MRPL13: variants seen among roughly 807,000 people sequenced by gnomAD.
MRPL13 encodes the protein mitochondrial ribosomal protein L13.
MRPL13 carries 33 observed loss-of-function variants against 29.0 expected under a neutral mutation model. The ratio of observed to expected loss-of-function variants is 1.14; its 90% CI spans 0.86 to 1.52. The LOEUF (loss-of-function observed/expected upper bound fraction) is 1.52. Among genes scored for constraint, MRPL13 ranks in the 40% most tolerant of loss-of-function variants. MRPL13 has a pLI of 0.00. For synonymous variants in MRPL13, 77 were observed against 68.4 expected (o/e 1.13, Z -0.62); for missense variants, 227 against 216.7 (o/e 1.05, Z -0.30).
chr8:120,408,712 C>T (rs1812707411), intron 6 of MRPL13, among the ~76,000 whole-genome samples: 1 of 152,162 alleles, frequency 6.6e-6, no homozygotes, highest in Non-Finnish European at 1.5e-5. Context: ...AATCCTTCTA[C>T]ATTGTCTTTA....
At chr8:120,410,369 A>G (rs1474853432) in intron 6 of MRPL13, among the ~76,000 whole-genome samples, 1 of 152,220 alleles carries the variant, frequency 6.6e-6, no homozygotes. Flanking sequence ...GAACAAAAGC[A>G]TATCTTAAGC....
Position 120,395,699 on chromosome 8 carries a change from G to C in MRPL13, c.*405C>G. On this transcript the variant is annotated 3_prime_UTR_variant, in exon 7 of 7. Coordinates refer to ENST00000306185, the MANE Select transcript of MRPL13 (RefSeq NM_014078.6). ...GTTAGATAAAAAAAGCCACTGAAAT[G>C]AAAAGTGAAGGTAGAGCTTGTTCAC... 6.4e-6 allele frequency: 1 copy of C among 157,188 alleles called. No homozygotes were observed. The highest frequency in any genetic ancestry group is 2.4e-5 in the African/African-American group (1 of 41,794). 9.7% of individuals were successfully genotyped at this position (157,188 alleles called of 1,614,324 possible). A position where few individuals can be genotyped will look rare whatever the true frequency, so the allele number is the denominator to read the frequency against.
intron 5 of MRPL13, among the ~76,000 whole-genome samples, chr8:120,417,471 TTA>T (rs1404318101): frequency 2.0e-5 from 3 of 152,322 alleles, no homozygotes; most frequent in African/African-American, 4.8e-5. Context: ...TCCATATTTT[TTA>T]TATGATATTC....
At chr8:120,429,345 T>C (rs914360635) in intron 3 of MRPL13, among the ~76,000 whole-genome samples, 1 of 151,882 alleles carries the variant, frequency 6.6e-6, no homozygotes, top group African/African-American at 2.4e-5. Flanking sequence ...TGAGGCCTAT[T>C]GGAGGGTGGA....
chr8:120,413,413 T>C (rs1429056802), intron 6 of MRPL13, among the ~76,000 whole-genome samples: 1 of 152,038 alleles, frequency 6.6e-6, no homozygotes, highest in Non-Finnish European at 1.5e-5. Flanking sequence ...GGTTCAAAGA[T>C]TACAGGAAGG....
chr8:120,410,573 T>C (rs1248754932), intron 6 of MRPL13, among the ~76,000 whole-genome samples: 1 of 152,218 alleles, frequency 6.6e-6, no homozygotes, highest in Non-Finnish European at 1.5e-5. Flanking sequence ...TCCAATAATG[T>C]AGACACTAGC....
At chr8:120,439,841 CTCAAA>C (rs1813096302) in intron 2 of MRPL13, among the ~76,000 whole-genome samples, 1 of 152,174 alleles carries the variant, frequency 6.6e-6, no homozygotes, top group Non-Finnish European at 1.5e-5. Context: ...CTTGCTCTTG[CTCAAA>C]TCAAATCATT....
At chr8:120,412,278 T>C (rs1279482144) in intron 6 of MRPL13, among the ~76,000 whole-genome samples, 1 of 152,188 alleles carries the variant, frequency 6.6e-6, no homozygotes, top group Non-Finnish European at 1.5e-5. Context: ...ATATAACTTA[T>C]CAAAGCTGAA....
intron 6 of MRPL13, among the ~76,000 whole-genome samples, chr8:120,411,343 T>C (rs1812737902): frequency 6.6e-6 from 1 of 152,158 alleles, no homozygotes; most frequent in Non-Finnish European, 1.5e-5. Flanking sequence ...GCTAGGATTA[T>C]AGGCATGAGC....
At chr8:120,441,581 T>C (rs1458065914) in intron 2 of MRPL13, among the ~76,000 whole-genome samples, 1 of 152,056 alleles carries the variant, frequency 6.6e-6, no homozygotes, top group Non-Finnish European at 1.5e-5. Context: ...CCTCAAAAGG[T>C]TAATGAGAAG....
At chr8:120,401,915 T>C (rs376085228) in intron 6 of MRPL13, among the ~76,000 whole-genome samples, 6 of 151,996 alleles carry the variant, frequency 3.9e-5, no homozygotes, top group African/African-American at 1.4e-4. Flanking sequence ...TACAAAAGAA[T>C]AAAATACCTA....
chr8:120,401,386 GA>G (rs1812595535), intron 6 of MRPL13, among the ~76,000 whole-genome samples: 1 of 152,104 alleles, frequency 6.6e-6, no homozygotes, highest in African/African-American at 2.4e-5. Flanking sequence ...AACATAAAAA[GA>G]ACGAAAGACA....
chr8:120,419,704 A>C (rs1812845490), intron 5 of MRPL13, 148 bp downstream of exon 5: 1 of 449,272 alleles, frequency 2.2e-6, no homozygotes, highest in African/African-American at 2.1e-5. Flanking sequence ...CATTTTTTAT[A>C]CATACATATT....
intron 6 of MRPL13, among the ~76,000 whole-genome samples, chr8:120,411,048 C>T (rs1157481440): frequency 1.3e-5 from 2 of 151,580 alleles, no homozygotes; most frequent in African/African-American, 4.8e-5. Flanking sequence ...TCTCCCTCTC[C>T]TCCCTCTCCC....
At chr8:120,428,868 CTTTTACACTGTTGGTGGGAA>C (rs1812963997) in intron 3 of MRPL13, among the ~76,000 whole-genome samples, 2 of 151,178 alleles carry the variant, frequency 1.3e-5, no homozygotes, top group African/African-American at 4.9e-5. Context: ...AAAAGGAATG[CTTTTACACTGTTGGTGGGAA>C]TTTTACACTG....
chr8:120,416,205 T>A (rs1216987686), intron 5 of MRPL13: 1 of 152,158 alleles, frequency 6.6e-6, no homozygotes, highest in East Asian at 1.9e-4. Context: ...GATTTAAGAG[T>A]TCTCTTTGGC....
chr8:120,405,212 G>A (rs962082923), intron 6 of MRPL13, among the ~76,000 whole-genome samples: 22 of 152,284 alleles, frequency 1.4e-4, no homozygotes, highest in Middle Eastern at 6.8e-3. Context: ...GGAAAAGAGA[G>A]GTTTTTACAC....
intron 6 of MRPL13, among the ~76,000 whole-genome samples, chr8:120,399,566 G>A (rs1812563298): frequency 6.6e-6 from 1 of 152,172 alleles, no homozygotes; most frequent in Non-Finnish European, 1.5e-5. Flanking sequence ...GACCAGTGAT[G>A]CTATGAAGCA....
chr8:120,409,437 G>A lies in MRPL13; in HGVS notation c.515+4554C>T, dbSNP rs1812716873. On this transcript the variant is annotated intron_variant, in intron 6 of 6. Coordinates refer to ENST00000306185, the MANE Select transcript of MRPL13 (RefSeq NM_014078.6). The stretch of plus-strand genomic sequence containing the variant: ...TAATTTCCATGATTATTGGGGTTGT[G>A]AAATGTGTTGGCAAAACTGCAATAA... Among the ~76,000 whole-genome samples, 3 of 152,150 alleles carry A rather than the reference G, an allele frequency of 2.0e-5. No individual in the cohort carries two copies. The South Asian group carries it at 6.2e-4, about 32-fold the overall frequency.
Sources: allele counts gnomAD v4.1 joint callset (sites outside exome capture counted in the v4.1 genomes callset), GRCh38; gene constraint gnomAD v4.1.1; transcripts MANE v1.5; gene names NCBI Gene and HGNC (gene_info 2026-07-23, HGNC 2026-07-21).